Variants in AGAP1 observed in about 807,000 individuals in gnomAD.
The protein encoded by AGAP1 is ArfGAP with GTPase domain, ankyrin repeat and PH domain 1.
A neutral mutation model predicts 105.3 loss-of-function variants in AGAP1; 29 were observed. That is an observed-to-expected ratio of 0.28 (90% CI 0.21 to 0.38). The LOEUF is 0.38. Ranked by LOEUF, AGAP1 falls within the 10% of genes least tolerant of loss-of-function variation. The probability of loss-of-function intolerance (pLI) is 1.00; values close to 1 mark genes in which losing one functional copy is unlikely to be tolerated. For synonymous variants in AGAP1, 509 were observed against 485.9 expected (o/e 1.05, Z -0.63); for missense variants, 998 against 1,165.1 (o/e 0.86, Z 2.09).
intron 6 of AGAP1, among the ~76,000 whole-genome samples, chr2:235,760,308 G>A (rs1157405339): frequency 1.3e-5 from 2 of 152,266 alleles, no homozygotes; most frequent in African/African-American, 4.8e-5. Context: ...GAACCCGGGA[G>A]GCGGAGGTTG....
intron 1 of AGAP1, among the ~76,000 whole-genome samples, chr2:235,538,256 A>AT: frequency 6.6e-6 from 1 of 152,276 alleles, no homozygotes; most frequent in East Asian, 1.9e-4. Flanking sequence ...CAGGGACAAG[A>AT]TTCGTTTTTG....
intron 6 of AGAP1, chr2:235,774,020 T>C (rs1156313628): frequency 2.2e-6 from 1 of 464,504 alleles, no homozygotes; most frequent in South Asian, 1.6e-5. Flanking sequence ...GACCAAGAGA[T>C]AGCAATTACT....
At chr2:235,764,462 C>T (rs568588241) in intron 6 of AGAP1, among the ~76,000 whole-genome samples, 265 of 152,332 alleles carry the variant, frequency 1.7e-3, no homozygotes, top group African/African-American at 6.1e-3. Flanking sequence ...GCACCTAAAG[C>T]ACATCCCCCC....
intron 1 of AGAP1, among the ~76,000 whole-genome samples, chr2:235,686,620 G>GTGT (rs1949415742): frequency 5.2e-5 from 3 of 57,246 alleles, no homozygotes; most frequent in African/African-American, 2.6e-4. Context: ...TGGAGATATA[G>GTGT]ATATATATAT....
chr2:235,772,817 A>G (rs1444182614), intron 6 of AGAP1, among the ~76,000 whole-genome samples: 1 of 152,188 alleles, frequency 6.6e-6, no homozygotes, highest in Non-Finnish European at 1.5e-5. Flanking sequence ...CTGGGATGCA[A>G]GCGGGTCTCT....
In AGAP1 at chr2:236,080,884, C is replaced by T. The variant is rs971550521; in HGVS notation, c.2114+31603C>T. 1.3e-5 allele frequency among the ~76,000 whole-genome samples: 2 copies of T among 152,110 alleles called. No individual in the cohort carries two copies. The highest frequency in any genetic ancestry group is 2.9e-5 in the Non-Finnish European group (2 of 68,026). On this transcript the variant is annotated intron_variant, in intron 16 of 17. Transcript: ENST00000304032. The surrounding 1 kb of genome is among the most constrained non-coding windows in gnomAD (Gnocchi z 4.2). ...ATTTATATGACCCTCTTATAAGGAC[C>T]CTTGTATATTGGGCCCACCTGGATA...
chr2:236,079,482 T>G (rs1007306799), intron 16 of AGAP1, among the ~76,000 whole-genome samples: 1 of 150,722 alleles, frequency 6.6e-6, no homozygotes, highest in African/African-American at 2.4e-5. Context: ...TGCAGTGAGC[T>G]GTGATCGTGC....
intron 16 of AGAP1, among the ~76,000 whole-genome samples, chr2:236,117,238 TACACC>T (rs948245981): frequency 1.3e-5 from 2 of 152,230 alleles, no homozygotes; most frequent in African/African-American, 2.4e-5. Context: ...GTGTTCCCTG[TACACC>T]ACATCCACGC....
chr2:235,818,313 T>C (rs937183003), intron 9 of AGAP1, among the ~76,000 whole-genome samples: 1 of 152,240 alleles, frequency 6.6e-6, no homozygotes. Context: ...ACCGATGTTA[T>C]ATAGCTCCAC....
rs1946247606 is a variant in AGAP1 at position 235,614,639 on chromosome 2, C to T, written c.164-94540C>T. 6.6e-6 allele frequency among the ~76,000 whole-genome samples: 1 copy of T among 152,180 alleles called. No individual in the cohort carries two copies. The highest frequency in any genetic ancestry group is 2.1e-4 in the South Asian group (1 of 4,826). Reference sequence around the variant, plus strand: ...CAGGAGTGTGGGTTGGCTCTCTACCCCCGTTGCAGATTGGCTTGTGGTTTG... The same window carrying T: ...CAGGAGTGTGGGTTGGCTCTCTACCTCCGTTGCAGATTGGCTTGTGGTTTG... On this transcript the variant is annotated intron_variant, in intron 1 of 17. Transcript: ENST00000304032. The surrounding 1 kb of genome is among the most constrained non-coding windows in gnomAD (Gnocchi z 4.7).
At chr2:235,533,757 T>C (rs562772592) in intron 1 of AGAP1, among the ~76,000 whole-genome samples, 38 of 152,372 alleles carry the variant, frequency 2.5e-4, no homozygotes, top group Admixed American at 9.1e-4. Flanking sequence ...TTACTGCTCC[T>C]GTCGCCTGGT....
intron 13 of AGAP1, among the ~76,000 whole-genome samples, chr2:236,021,093 GA>G (rs1380070830): frequency 6.6e-6 from 1 of 150,840 alleles, no homozygotes; most frequent in African/African-American, 2.4e-5. Context: ...TTGAACCAGG[GA>G]GGCAGAGGTT....
intron 8 of AGAP1, among the ~76,000 whole-genome samples, chr2:235,803,724 A>AT (rs1401390468): frequency 6.6e-6 from 1 of 152,224 alleles, no homozygotes; most frequent in Admixed American, 6.5e-5. Context: ...TTCATATACA[A>AT]TTTTTAAACA....
Position 235,728,326 on chromosome 2 carries a change from T to TGTGTGTGTGTGTGTGTGCGCGC in AGAP1, c.310+10683_310+10684insTGTGTGTGTGTGTGTGCGCGCG, listed in dbSNP as rs986896995. ...CTGTGTGTGTGTGTGTGTGTGTGTGTGCGTGCTCTTAAATCAATGTAAATT... is the reference window on the plus strand; with the variant it reads ...CTGTGTGTGTGTGTGTGTGTGTGTGTGTGTGTGTGTGTGTGTGCGCGCGCGTGCTCTTAAATCAATGTAAATT... On this transcript the variant is annotated intron_variant, in intron 3 of 17. Transcript: ENST00000304032. This position sits in a 1 kb window ranked among gnomAD's most constrained non-coding sequence, Gnocchi z 4.3. 1.8e-4 allele frequency among the ~76,000 whole-genome samples: 27 copies of TGTGTGTGTGTGTGTGTGCGCGC among 151,740 alleles called. No individual in the cohort carries two copies. The highest frequency in any genetic ancestry group is 6.6e-4 in the African/African-American group (27 of 41,202).
rs1425198590 is a variant in AGAP1 at position 236,042,749 on chromosome 2, G to A, written c.1891+1908G>A. On this transcript the variant is annotated intron_variant, in intron 15 of 17. Transcript: ENST00000304032. This position sits in a 1 kb window ranked among gnomAD's most constrained non-coding sequence, Gnocchi z 5.6. ...GGGAGGCCAGTGCAGGGGAGGTGTG[G>A]GCCAGTTTGTTCTGAGCAAGACCAC... 6.6e-6 allele frequency among the ~76,000 whole-genome samples: 1 copy of A among 152,120 alleles called. No individual in the cohort carries two copies. Among genetic ancestry groups the A allele is most frequent in the Non-Finnish European group, 1.5e-5 (1 of 68,040 alleles).
chr2:236,099,906 G>A (rs1216456320), intron 16 of AGAP1, among the ~76,000 whole-genome samples: 1 of 152,052 alleles, frequency 6.6e-6, no homozygotes, highest in Non-Finnish European at 1.5e-5. Flanking sequence ...CAAGCATGGT[G>A]GCATGTGCCT....
At chr2:235,783,826 C>A (rs148682975) in intron 6 of AGAP1, among the ~76,000 whole-genome samples, 43 of 152,104 alleles carry the variant, frequency 2.8e-4, no homozygotes, top group Admixed American at 1.4e-3. Flanking sequence ...TGGACCGGTA[C>A]AACTAAGATG....
chr2:235,717,192 C>T (rs1951158849), intron 2 of AGAP1, among the ~76,000 whole-genome samples: 1 of 152,224 alleles, frequency 6.6e-6, no homozygotes, highest in Admixed American at 6.5e-5. Flanking sequence ...TCGGGTGCCA[C>T]CTCACCTGCT....
At chr2:235,537,911 G>T (rs1479936788) in intron 1 of AGAP1, among the ~76,000 whole-genome samples, 1 of 152,096 alleles carries the variant, frequency 6.6e-6, no homozygotes, top group Non-Finnish European at 1.5e-5. Flanking sequence ...AGAATATCTG[G>T]CATGCTTTCC....
Sources: gnomAD v4.1 joint callset for allele counts (sites outside exome capture counted in the v4.1 genomes callset) on GRCh38, gnomAD v4.1.1 for gene constraint, Gnocchi (gnomAD v3.1) non-coding constraint, MANE v1.5 for transcripts, NCBI Gene and HGNC (gene_info 2026-07-23, HGNC 2026-07-21) for gene names.